The following PHF21A variants were observed in gnomAD, a reference collection of about 807,000 sequenced individuals.
PHF21A encodes the protein PHD finger protein 21A.
PHF21A carries 11 observed loss-of-function variants against 82.5 expected under a neutral mutation model. That is an observed-to-expected ratio of 0.13 (90% CI 0.08 to 0.22). The LOEUF is 0.22. PHF21A is among the 10% of genes least tolerant of loss of function. The probability of loss-of-function intolerance (pLI) is 1.00; values close to 1 mark genes in which losing one functional copy is unlikely to be tolerated. For synonymous variants in PHF21A, 297 were observed against 302.8 expected, an observed-to-expected ratio of 0.98 and a Z score of 0.20; for missense variants, 579 against 837.8, an observed-to-expected ratio of 0.69 and a Z score of 3.81.
chr11:45,945,257 G>A (rs2091114434), intron 15 of PHF21A, among the ~76,000 whole-genome samples: 1 of 152,120 alleles, frequency 6.6e-6, no homozygotes, highest in Non-Finnish European at 1.5e-5. Context: ...GCTTTGTTGA[G>A]GTTCATTTAA....
intron 1 of PHF21A, among the ~76,000 whole-genome samples, chr11:46,113,587 T>C (rs1340318449): frequency 6.6e-6 from 1 of 152,138 alleles, no homozygotes; most frequent in Non-Finnish European, 1.5e-5. Context: ...CCCAACACTT[T>C]AGGAGGCTGA....
intron 1 of PHF21A, among the ~76,000 whole-genome samples, chr11:46,118,390 A>G (rs545737927): frequency 6.8e-6 from 1 of 146,760 alleles, no homozygotes; most frequent in Non-Finnish European, 1.5e-5. Flanking sequence ...AAATACTATT[A>G]TGTTACCAAA....
intron 6 of PHF21A, among the ~76,000 whole-genome samples, chr11:46,072,064 G>A (rs544972967): frequency 1.2e-4 from 19 of 152,172 alleles, no homozygotes; most frequent in East Asian, 9.6e-4. Context: ...AAACAAACAC[G>A]TTCCCTGACT....
chr11:46,118,705 A>G (rs2136200200), intron 1 of PHF21A: 1 of 152,318 alleles, frequency 6.6e-6, no homozygotes, highest in East Asian at 1.9e-4. Flanking sequence ...TTCCATAAAC[A>G]AGTAAAGACA....
chr11:46,014,963 G>C (rs2095484802), intron 6 of PHF21A, among the ~76,000 whole-genome samples: 1 of 42,260 alleles, frequency 2.4e-5, no homozygotes, highest in Admixed American at 2.7e-4. Flanking sequence ...CTGGGCGACA[G>C]AGCGAGACTC....
At chr11:45,957,845 G>C (rs1272488882) in intron 10 of PHF21A, among the ~76,000 whole-genome samples, 2 of 150,636 alleles carry the variant, frequency 1.3e-5, no homozygotes, top group Admixed American at 6.6e-5. Flanking sequence ...ACCAAAAGGT[G>C]AATCTTCGAA....
chr11:46,014,082 A>G (rs1203859565), intron 6 of PHF21A, among the ~76,000 whole-genome samples: 2 of 152,146 alleles, frequency 1.3e-5, no homozygotes, highest in Non-Finnish European at 2.9e-5. Context: ...CATAATGCTG[A>G]GGTTTGGGCT....
intron 3 of PHF21A, among the ~76,000 whole-genome samples, chr11:46,086,012 T>C (rs2096852363): frequency 6.6e-6 from 1 of 152,132 alleles, no homozygotes; most frequent in Admixed American, 6.6e-5. Context: ...TACTGTATAA[T>C]GATAATGTTA....
rs541741361 is a variant in PHF21A, at chr11:46,084,790, C to T, written c.-83-488G>A. Among the ~76,000 whole-genome samples, 9 of 151,956 alleles carry T rather than the reference C, an allele frequency of 5.9e-5. No individual in the cohort carries two copies. The East Asian group carries it at 1.7e-3, about 29-fold the overall frequency. Reference sequence around the variant, plus strand: ...TGCCTCCCAGGTTCACGCCATTCTCCTGCCTCAGCCTCCAGAGTAGCTGGG... The same window carrying T: ...TGCCTCCCAGGTTCACGCCATTCTCTTGCCTCAGCCTCCAGAGTAGCTGGG... On this transcript the variant is annotated intron_variant, in intron 3 of 18. Coordinates refer to ENST00000676320, the MANE Select transcript of PHF21A (RefSeq NM_001352027.3).
intron 6 of PHF21A, among the ~76,000 whole-genome samples, chr11:46,010,623 T>C (rs1006982201): frequency 4.6e-5 from 7 of 152,154 alleles, no homozygotes; most frequent in African/African-American, 1.7e-4. Flanking sequence ...ATACTGCAAG[T>C]CAACAATCAC....
rs530519706 is a variant in PHF21A, at chr11:45,999,365, A to G, written c.154-19399T>C. Among the ~76,000 whole-genome samples, 20 of 152,342 alleles carry G rather than the reference A, an allele frequency of 1.3e-4. No individual in the cohort carries two copies. The South Asian group carries it at 4.1e-3, about 32-fold the overall frequency. Reference sequence around the variant, plus strand: ...AATTATTACTTTGCAGAAATGGAGTAAGGCAAGTTTCCCTGCTAGTGGTTG... The same window carrying G: ...AATTATTACTTTGCAGAAATGGAGTGAGGCAAGTTTCCCTGCTAGTGGTTG... On this transcript the variant is annotated intron_variant, in intron 6 of 18. Coordinates refer to ENST00000676320, the MANE Select transcript of PHF21A (RefSeq NM_001352027.3).
chr11:46,101,030 C>T (rs923959492), intron 1 of PHF21A, among the ~76,000 whole-genome samples: 2 of 152,170 alleles, frequency 1.3e-5, no homozygotes, highest in African/African-American at 4.8e-5. Context: ...GACTTGTGAC[C>T]TGCAACTTTA....
chr11:46,021,470 A>G (rs573806588), intron 6 of PHF21A, among the ~76,000 whole-genome samples: 1 of 152,300 alleles, frequency 6.6e-6, no homozygotes, highest in Non-Finnish European at 1.5e-5. Context: ...CCTGGGCCCA[A>G]GCATCACCAA....
chr11:45,994,294 A>C (rs1421313208), intron 6 of PHF21A, among the ~76,000 whole-genome samples: 3 of 152,254 alleles, frequency 2.0e-5, no homozygotes, highest in African/African-American at 7.2e-5. Context: ...TGGATTTAAA[A>C]ATTTGATTCA....
chr11:46,035,069 G>A (rs1363129877), intron 6 of PHF21A, among the ~76,000 whole-genome samples: 1 of 152,162 alleles, frequency 6.6e-6, no homozygotes, highest in Non-Finnish European at 1.5e-5. Context: ...TTGCATTCCT[G>A]AGGGAATACT....
rs1181477607 is a variant in PHF21A at position 45,962,670 on chromosome 11, TCG to T, written c.996+2643_996+2644del. ...ACTTTGGGAGGCCAAGGCAGGTGGG[TCG>T]CCTGAGGTCAGGAGTCTGAGACCAG... On this transcript the variant is annotated intron_variant, in intron 10 of 18. Transcript: ENST00000676320. Among the ~76,000 whole-genome samples the T allele has an allele frequency of 3.2e-3, 71 of 21,938 alleles. 1 individual carries two copies. The highest frequency in any genetic ancestry group is 6.5e-3 in the African/African-American group (67 of 10,298). 14.4% of individuals were successfully genotyped at this position (21,938 alleles called of 152,430 possible). A position where few individuals can be genotyped will look rare whatever the true frequency, so the allele number is the denominator to read the frequency against.
At chr11:46,094,940 C>T (rs2096974508) in intron 1 of PHF21A, among the ~76,000 whole-genome samples, 2 of 152,090 alleles carry the variant, frequency 1.3e-5, no homozygotes, top group Admixed American at 6.5e-5. Context: ...CTAAGGGATC[C>T]CCATGAATGG....
chr11:46,080,628 C>T (rs753508553), intron 4 of PHF21A, among the ~76,000 whole-genome samples: 1 of 152,060 alleles, frequency 6.6e-6, no homozygotes, highest in Non-Finnish European at 1.5e-5. Flanking sequence ...CACTCCTTAA[C>T]GTCAAGTAGT....
chr11:45,977,883 A>G (rs1034403966), intron 7 of PHF21A, among the ~76,000 whole-genome samples: 16 of 147,074 alleles, frequency 1.1e-4, no homozygotes, highest in African/African-American at 4.0e-4. Context: ...ACAGAAGAGT[A>G]GTTGAATGGA....
Sources: allele counts gnomAD v4.1 joint callset (sites outside exome capture counted in the v4.1 genomes callset), GRCh38; gene constraint gnomAD v4.1.1; transcripts MANE v1.5; gene names NCBI Gene and HGNC (gene_info 2026-07-23, HGNC 2026-07-21).